The following DPP6 variants were observed in gnomAD, a reference collection of about 807,000 sequenced individuals.
The protein encoded by DPP6 is A-type potassium channel modulatory protein DPP6.
In DPP6, 69 loss-of-function variants were observed where a neutral mutation model predicts 122.6. The ratio of observed to expected loss-of-function variants is 0.56; its 90% CI spans 0.46 to 0.69. The LOEUF is 0.69. DPP6 is among the 30% of genes least tolerant of loss of function. DPP6 has a pLI of 0.00. For missense variants in DPP6, 928 were observed against 1,116.9 expected, an observed-to-expected ratio of 0.83 and a Z score of 2.41; for synonymous variants, 418 against 433.1, an observed-to-expected ratio of 0.97 and a Z score of 0.43.
chr7:154,435,560 C>G (rs772293931), intron 1 of DPP6, among the ~76,000 whole-genome samples: 8 of 152,298 alleles, frequency 5.3e-5, no homozygotes, highest in Middle Eastern at 3.4e-3. Flanking sequence ...AGTAAATGAG[C>G]CAGTGAAACA....
In DPP6 at chr7:154,564,911, CTGT is replaced by C. The variant is rs145497517; in HGVS notation, c.553-1926_553-1924del. On this transcript the variant is annotated intron_variant, in intron 4 of 25. Transcript: ENST00000377770. ...TCATGCTGTGAACAACTGTCCTTTT[CTGT>C]TGTTCTATTTGGTGCTCCATTTTTT... Among the ~76,000 whole-genome samples the C allele has an allele frequency of 9.6e-3, 1,457 of 152,320 alleles. 24 individuals carry two copies. The highest frequency in any genetic ancestry group is 0.032 in the African/African-American group (1,319 of 41,564).
intron 3 of DPP6, among the ~76,000 whole-genome samples, chr7:154,511,915 G>A (rs1020326756): frequency 2.6e-5 from 4 of 152,128 alleles, no homozygotes; most frequent in East Asian, 3.9e-4. Flanking sequence ...TTTAAGTTAC[G>A]AGTGAAGCAC....
intron 25 of DPP6, chr7:154,889,788 C>T (rs1806454719): frequency 1.9e-6 from 1 of 533,622 alleles, no homozygotes; most frequent in Admixed American, 3.5e-5. Flanking sequence ...CCACCCCAGC[C>T]CTGCTCCCCT....
chr7:154,200,788 T>C (rs1283644806), intron 1 of DPP6, among the ~76,000 whole-genome samples: 1 of 152,196 alleles, frequency 6.6e-6, no homozygotes, highest in Non-Finnish European at 1.5e-5. Context: ...TAGCAAAGTG[T>C]CTAACACCTA....
chr7:154,754,493 A>C (rs1843561513), intron 8 of DPP6, among the ~76,000 whole-genome samples: 1 of 152,250 alleles, frequency 6.6e-6, no homozygotes, highest in Admixed American at 6.5e-5. Context: ...CAGAATGATC[A>C]GTTTTGGCAA....
intron 1 of DPP6, among the ~76,000 whole-genome samples, chr7:154,121,702 A>AG (rs1563219546): frequency 6.6e-6 from 1 of 152,240 alleles, no homozygotes; most frequent in Non-Finnish European, 1.5e-5. Context: ...CCTCACATAC[A>AG]GTCCATTTTA....
At chr7:153,835,925 A>G in the DPP6 span, among the ~76,000 whole-genome samples, 1 of 152,312 alleles carries the variant, frequency 6.6e-6, no homozygotes, top group East Asian at 1.9e-4. Context: ...GACCAGTGCC[A>G]GTAGAGGTCT....
At chr7:154,810,634 G>C (rs145304276) in intron 16 of DPP6, among the ~76,000 whole-genome samples, 2 of 152,170 alleles carry the variant, frequency 1.3e-5, no homozygotes, top group Non-Finnish European at 2.9e-5. Flanking sequence ...CAAAGAACAA[G>C]TACAGCAACA....
intron 1 of DPP6, among the ~76,000 whole-genome samples, chr7:154,082,312 G>T (rs1804073797): frequency 6.6e-6 from 1 of 152,110 alleles, no homozygotes; most frequent in Non-Finnish European, 1.5e-5. Context: ...TATCATAGGG[G>T]TTGTTTTGTT....
At chr7:153,958,737 T>C (rs1208136290) in intron 1 of DPP6, among the ~76,000 whole-genome samples, 3 of 152,064 alleles carry the variant, frequency 2.0e-5, no homozygotes, top group Non-Finnish European at 4.4e-5. Flanking sequence ...CAAAATCAGC[T>C]CTCTTGGCTC....
chr7:154,779,067 T>C (rs373563296), intron 10 of DPP6, among the ~76,000 whole-genome samples: 38 of 572 alleles, frequency 0.066, no homozygotes, highest in Non-Finnish European at 0.07. Flanking sequence ...ATCACCACCA[T>C]CACCTCCATC....
At chr7:153,879,379 G>GTTTC in the DPP6 span, among the ~76,000 whole-genome samples, 1 of 152,020 alleles carries the variant, frequency 6.6e-6, no homozygotes, top group Non-Finnish European at 1.5e-5. Flanking sequence ...TTATTTATTT[G>GTTTC]TTTCTTTCTT....
chr7:154,408,043 G>A (rs182036395), intron 1 of DPP6, among the ~76,000 whole-genome samples: 2 of 152,296 alleles, frequency 1.3e-5, no homozygotes, highest in Admixed American at 6.5e-5. Flanking sequence ...GTGCGCAAGA[G>A]GTATTTGCTG....
At chr7:154,571,671 A>T (rs1326201907) in intron 5 of DPP6, among the ~76,000 whole-genome samples, 1 of 152,166 alleles carries the variant, frequency 6.6e-6, no homozygotes, top group Non-Finnish European at 1.5e-5. Flanking sequence ...GTCCAAATGA[A>T]ATTCTGTCCA....
intron 7 of DPP6, among the ~76,000 whole-genome samples, chr7:154,726,109 G>A (rs1045568583): frequency 9.2e-5 from 14 of 152,210 alleles, no homozygotes; most frequent in African/African-American, 3.1e-4. Flanking sequence ...CTTTCACAGG[G>A]TGGCATTGAG....
At chr7:154,641,137 G>A (rs867757219) in intron 6 of DPP6, among the ~76,000 whole-genome samples, 11 of 152,086 alleles carry the variant, frequency 7.2e-5, no homozygotes, top group Admixed American at 3.3e-4. Context: ...TCCTTCCTCC[G>A]ATGGCTGTGA....
intron 1 of DPP6, among the ~76,000 whole-genome samples, chr7:154,172,793 G>A (rs958351753): frequency 6.6e-6 from 1 of 151,854 alleles, no homozygotes; most frequent in Non-Finnish European, 1.5e-5. Flanking sequence ...TAGAAAGGGG[G>A]TTTTGCCATG....
chr7:154,678,283 T>G (rs945388630), intron 7 of DPP6, among the ~76,000 whole-genome samples: 10 of 152,200 alleles, frequency 6.6e-5, no homozygotes, highest in Admixed American at 3.3e-4. Context: ...GAAGCTGTGT[T>G]CTTTCCTTCT....
chr7:154,664,297 G>A (rs1838000240), intron 6 of DPP6, among the ~76,000 whole-genome samples: 1 of 152,242 alleles, frequency 6.6e-6, no homozygotes, highest in African/African-American at 2.4e-5. Flanking sequence ...AGTCTTGCAA[G>A]GCACTGCATA....
Sources: allele counts gnomAD v4.1 joint callset (sites outside exome capture counted in the v4.1 genomes callset), GRCh38; gene constraint gnomAD v4.1.1; transcripts MANE v1.5; gene names NCBI Gene and HGNC (gene_info 2026-07-23, HGNC 2026-07-21).